SEMA4D: variants seen among roughly 807,000 people sequenced by gnomAD.
The protein encoded by SEMA4D is semaphorin-4D.
A neutral mutation model predicts 74.8 loss-of-function variants in SEMA4D; 22 were observed. That is an observed-to-expected ratio of 0.29 (90% CI 0.21 to 0.42). SEMA4D has a LOEUF of 0.42. SEMA4D is among the 10% of genes least tolerant of loss of function. The probability of loss-of-function intolerance (pLI) is 1.00; values close to 1 mark genes in which losing one functional copy is unlikely to be tolerated. For missense variants in SEMA4D, 937 were observed against 1,118.4 expected, an observed-to-expected ratio of 0.84 and a Z score of 2.31; for synonymous variants, 445 against 463.7, an observed-to-expected ratio of 0.96 and a Z score of 0.52.
At position 89,437,487 on chromosome 9, in the gene SEMA4D, C is replaced by G. The variant is rs577559330; in HGVS notation, c.-244+18401G>C. ...TGGCCTCCAGATCCCAGCCTCTGCA[C>G]CCACCCCCACCCAGCACCAACCCTA... is the stretch of plus-strand genomic sequence containing the variant. On this transcript the variant is annotated intron_variant, in intron 2 of 15. Coordinates refer to ENST00000422704, the MANE Select transcript of SEMA4D (RefSeq NM_001371194.2). Among the ~76,000 whole-genome samples the G allele has an allele frequency of 2.6e-5, 4 of 152,304 alleles. No homozygotes were observed. In the East Asian group the frequency reaches 5.8e-4, roughly 22 times the overall value.
exon 19 of SEMA4D, chr9:89,361,242 G>GTGA (rs1832736810): frequency 6.6e-6 from 1 of 152,220 alleles, no homozygotes; most frequent in African/African-American, 2.4e-5. Flanking sequence ...GACACCTGTT[G>GTGA]TGATGGATCC....
rs1291414020 is a variant in SEMA4D, at chr9:89,362,325, C to T, written c.*77G>A. The T allele has an allele frequency of 9.3e-6, 15 of 1,613,406 alleles. No individual in the cohort carries two copies. In the East Asian group the frequency reaches 3.3e-4, roughly 36 times the overall value. On this transcript the variant is annotated 3_prime_UTR_variant, in exon 19 of 19. Transcript: ENST00000339861. ...TCACAGTTGTGGGGGACCAGGCCTT[C>T]TCCGGGGGTGGCTGTGGTCAGTGGC...
intron 2 of SEMA4D, among the ~76,000 whole-genome samples, chr9:89,446,896 G>C (rs1228217591): frequency 5.3e-5 from 8 of 152,168 alleles, no homozygotes; most frequent in African/African-American, 1.9e-4. Context: ...CGAAGTCTCA[G>C]CTGGGCGTGC....
intron 2 of SEMA4D, among the ~76,000 whole-genome samples, chr9:89,444,342 G>A (rs571142700): frequency 6.6e-6 from 1 of 152,206 alleles, no homozygotes; most frequent in Admixed American, 6.5e-5. Flanking sequence ...ATACACAGGA[G>A]CACTCCTGCC....
In SEMA4D at chr9:89,413,780, ATATG is replaced by A. The variant is rs749911950; in HGVS notation, c.-243-8085_-243-8082del. On this transcript the variant is annotated intron_variant, in intron 2 of 15. Transcript: ENST00000422704. ...TCTGCCTGTGTACATATATCCATAC[ATATG>A]TATCTGTGTATGCATATACATGTAT... Among the ~76,000 whole-genome samples the A allele has an allele frequency of 4.6e-5, 7 of 152,356 alleles. No individual in the cohort carries two copies. In the East Asian group the frequency reaches 1.2e-3, roughly 25 times the overall value.
At chr9:89,430,343 C>T (rs1849000084) in intron 2 of SEMA4D, among the ~76,000 whole-genome samples, 1 of 152,190 alleles carries the variant, frequency 6.6e-6, no homozygotes, top group African/African-American at 2.4e-5. Context: ...CTGGACCCCA[C>T]TTACTGGGTG....
intron 4 of SEMA4D, among the ~76,000 whole-genome samples, chr9:89,401,289 T>G (rs1189303115): frequency 3.3e-5 from 5 of 152,176 alleles, no homozygotes; most frequent in Non-Finnish European, 7.3e-5. Context: ...ACTCTTGAGC[T>G]CAAGTAATCC....
At chr9:89,414,311 G>A (rs1284350663) in intron 2 of SEMA4D, among the ~76,000 whole-genome samples, 1 of 152,230 alleles carries the variant, frequency 6.6e-6, no homozygotes, top group Non-Finnish European at 1.5e-5. Flanking sequence ...TACTGCCTGG[G>A]GGAGCGTGTT....
chr9:89,378,785 G>A lies in SEMA4D; in HGVS notation c.2508C>T (p.Ile836=), dbSNP rs763349518. ...VPTDREDSQR[I]DDLSARDKPF... Reference sequence around the variant, plus strand: ...GCTTGTCCCTGGCAGAAAGGTCGTCGATCCTCTGTGAGTCCTCCCTATCCG... The same window carrying A: ...GCTTGTCCCTGGCAGAAAGGTCGTCAATCCTCTGTGAGTCCTCCCTATCCG... Residue 836 remains isoleucine, a synonymous_variant, in exon 16 of 16, where the codon ATC becomes ATT. Coordinates refer to ENST00000422704, the MANE Select transcript of SEMA4D (RefSeq NM_001371194.2). The A allele has an allele frequency of 1.7e-5, 28 of 1,614,068 alleles. No individual in the cohort carries two copies. The highest frequency in any genetic ancestry group is 2.2e-5 in the East Asian group (1 of 44,896).
At chr9:89,404,965 T>A (rs1370874368) in intron 3 of SEMA4D, among the ~76,000 whole-genome samples, 2 of 119,164 alleles carry the variant, frequency 1.7e-5, no homozygotes, top group Non-Finnish European at 3.2e-5. Context: ...TCCCAGGAAG[T>A]GGGGTCCCCG....
chr9:89,430,671 C>T (rs1307868980), intron 2 of SEMA4D, among the ~76,000 whole-genome samples: 2 of 152,226 alleles, frequency 1.3e-5, no homozygotes, highest in Admixed American at 6.5e-5. Context: ...AAAAATCTGT[C>T]ATCCAAATAT....
At chr9:89,450,791 C>CAT in intron 2 of SEMA4D, 2 of 855,494 alleles carry the variant, frequency 2.3e-6, no homozygotes, top group Admixed American at 2.4e-5. Context: ...GCTCCTGCCT[C>CAT]ATCCCCTTCC....
chr9:89,371,998 GTC>G (rs1404926283), intron 16 of SEMA4D, among the ~76,000 whole-genome samples: 416 of 12,366 alleles, frequency 0.034, 18 homozygotes, highest in East Asian at 0.061. Context: ...TGTGGTGTGT[GTC>G]TGGGGTGTGG....
intron 2 of SEMA4D, chr9:89,418,308 G>T: frequency 1.1e-6 from 1 of 883,984 alleles, no homozygotes; most frequent in East Asian, 1.2e-4. Flanking sequence ...CAGGAGGGAG[G>T]AGCTGTGCAA....
chr9:89,460,003 C>A (rs1856844525), intron 1 of SEMA4D, among the ~76,000 whole-genome samples: 1 of 152,212 alleles, frequency 6.6e-6, no homozygotes, highest in Non-Finnish European at 1.5e-5. Context: ...AAAGCCCCTT[C>A]CCCACAGGAC....
chr9:89,363,562 T>TGTGGGC (rs1263535846), intron 17 of SEMA4D: 1 of 1,612,562 alleles, frequency 6.2e-7, no homozygotes, highest in Non-Finnish European at 8.5e-7. Flanking sequence ...GTCAAAGCTC[T>TGTGGGC]GTGGGCCTTT....
intron 2 of SEMA4D, among the ~76,000 whole-genome samples, chr9:89,423,339 G>A (rs1847373951): frequency 6.6e-6 from 1 of 152,100 alleles, no homozygotes; most frequent in African/African-American, 2.4e-5. Flanking sequence ...TTACAGGCAT[G>A]TGCCACCATG....
intron 1 of SEMA4D, among the ~76,000 whole-genome samples, chr9:89,464,354 T>TG (rs1416722718): frequency 1.3e-5 from 2 of 151,844 alleles, no homozygotes; most frequent in African/African-American, 4.8e-5. Flanking sequence ...TATAAACAGC[T>TG]GGGGTGGGGC....
chr9:89,381,144 CA>C lies in SEMA4D; in HGVS notation c.1619+29del. Reference sequence around the variant, plus strand: ...GTTATTCACCCACACACATGGGGGACATCCCCAGGCAGCGCATCCCGCCCCA... The same window carrying C: ...GTTATTCACCCACACACATGGGGGACTCCCCAGGCAGCGCATCCCGCCCCA... On this transcript the variant is annotated intron_variant, in intron 14 of 15. Transcript: ENST00000422704. This position sits in a 1 kb window ranked among gnomAD's most constrained non-coding sequence, Gnocchi z 4.6. 1 of 1,614,124 alleles carries C rather than the reference CA, an allele frequency of 6.2e-7. No individual in the cohort carries two copies. The highest frequency in any genetic ancestry group is 1.3e-5 in the African/African-American group (1 of 75,046).
Sources: gnomAD v4.1 joint callset for allele counts (sites outside exome capture counted in the v4.1 genomes callset) on GRCh38, gnomAD v4.1.1 for gene constraint, Gnocchi (gnomAD v3.1) non-coding constraint, MANE v1.5 for transcripts, NCBI Gene and HGNC (gene_info 2026-07-23, HGNC 2026-07-21) for gene names.